Variants in MORC1 observed in about 807,000 individuals in gnomAD.
The protein encoded by MORC1 is MORC family CW-type zinc finger protein 1.
MORC1 carries 59 observed loss-of-function variants against 134.9 expected under a neutral mutation model. The observed-to-expected ratio is 0.44, with a 90% confidence interval of 0.35 to 0.54. The LOEUF is 0.54. Among genes scored for constraint, MORC1 ranks in the 20% least tolerant of loss-of-function variants. MORC1 has a pLI of 0.00. For synonymous variants in MORC1, 395 were observed against 391.7 expected, an observed-to-expected ratio of 1.01 and a Z score of -0.10; for missense variants, 947 against 1,134.5, an observed-to-expected ratio of 0.83 and a Z score of 2.37.
At chr3:108,967,292 G>A (rs1343573441) in intron 26 of MORC1, among the ~76,000 whole-genome samples, 7 of 152,058 alleles carry the variant, frequency 4.6e-5, no homozygotes, top group Non-Finnish European at 7.4e-5. Flanking sequence ...GATATAAAAC[G>A]GTATATATAA....
intron 3 of MORC1, chr3:109,109,948 ACT>A (rs1205633284): frequency 6.6e-6 from 1 of 152,114 alleles, no homozygotes; most frequent in African/African-American, 2.4e-5. Context: ...ATAAAGGCTG[ACT>A]CTTTTTCTAT....
intron 8 of MORC1, among the ~76,000 whole-genome samples, chr3:109,072,139 A>C (rs1049480198): frequency 1.4e-4 from 22 of 152,240 alleles, no homozygotes; most frequent in African/African-American, 5.1e-4. Flanking sequence ...GTCATTATAA[A>C]CGTCAAACTT....
intron 25 of MORC1, among the ~76,000 whole-genome samples, chr3:108,970,497 T>A (rs1238336435): frequency 6.6e-6 from 1 of 151,944 alleles, no homozygotes. Flanking sequence ...GAGGATGAGG[T>A]GAGAGTAGAG....
intron 8 of MORC1, among the ~76,000 whole-genome samples, chr3:109,085,140 GTGTC>G (rs1298035018): frequency 1.3e-5 from 2 of 151,840 alleles, no homozygotes; most frequent in Non-Finnish European, 2.9e-5. Context: ...GTCTGTGTAT[GTGTC>G]TGTGTGTGTG....
rs1021870380 is a variant in MORC1 at position 109,095,084 on chromosome 3, C to A, written c.424-16G>T. 2 of 1,551,290 alleles carry A rather than the reference C, an allele frequency of 1.3e-6. No homozygotes were observed. Among genetic ancestry groups the A allele is most frequent in the Non-Finnish European group, 8.7e-7 (1 of 1,154,756 alleles). On this transcript the variant is annotated splice_polypyrimidine_tract_variant and intron_variant, in intron 6 of 27. Transcript: ENST00000232603. Reference sequence around the variant, plus strand: ...GAACTACAACCTATTTAAAAAAAAACACATCAATTTACTATGAAATACACA... The same window carrying A: ...GAACTACAACCTATTTAAAAAAAAAAACATCAATTTACTATGAAATACACA...
At chr3:109,031,438 C>G (rs556492552) in intron 16 of MORC1, among the ~76,000 whole-genome samples, 15 of 152,294 alleles carry the variant, frequency 9.8e-5, no homozygotes, top group African/African-American at 3.6e-4. Flanking sequence ...TCTCCAGAGT[C>G]TGAACTCTAA....
intron 24 of MORC1, among the ~76,000 whole-genome samples, chr3:108,974,522 G>T (rs1241258361): frequency 1.3e-5 from 2 of 152,114 alleles, no homozygotes; most frequent in South Asian, 2.1e-4. Flanking sequence ...AATCCATAAA[G>T]TACATTTAAA....
chr3:109,069,270 T>C (rs4855686), intron 9 of MORC1, among the ~76,000 whole-genome samples: 149,117 of 152,350 alleles, frequency 0.98, 73,087 homozygotes, highest in Middle Eastern at 1. Context: ...ATAATATAAA[T>C]ATGTATATAT....
At chr3:109,029,967 G>A (rs1949202389) in intron 16 of MORC1, among the ~76,000 whole-genome samples, 2 of 152,136 alleles carry the variant, frequency 1.3e-5, no homozygotes, top group Non-Finnish European at 2.9e-5. Context: ...TCTGAGAAAT[G>A]GGGAAAGTTC....
At chr3:109,054,950 T>A (rs1949922389) in intron 13 of MORC1, 68 bp from the exon 14 acceptor site, 3 of 1,333,712 alleles carry the variant, frequency 2.2e-6, no homozygotes, top group Admixed American at 4.9e-5. Flanking sequence ...TATATTCTGG[T>A]CATTTGAAAT....
chr3:109,077,195 C>CT (rs1950440129), intron 8 of MORC1, among the ~76,000 whole-genome samples: 1 of 152,090 alleles, frequency 6.6e-6, no homozygotes, highest in Non-Finnish European at 1.5e-5. Context: ...AATAAAGACA[C>CT]TTGTAGAGAT....
At chr3:108,987,149 T>C (rs1292956895) in intron 21 of MORC1, among the ~76,000 whole-genome samples, 200 bp from the exon 22 acceptor site, 2 of 152,340 alleles carry the variant, frequency 1.3e-5, no homozygotes, top group Non-Finnish European at 2.9e-5. Context: ...ATGATTGCAT[T>C]ATCATAGTCA....
At chr3:109,012,487 T>A (rs1423420133) in intron 17 of MORC1, among the ~76,000 whole-genome samples, 7 of 152,234 alleles carry the variant, frequency 4.6e-5, no homozygotes, top group Admixed American at 1.3e-4. Context: ...TGTTTGAATT[T>A]TAATTGATGC....
chr3:108,987,032 TC>T, intron 21 of MORC1, 83 bp from the exon 22 acceptor site: 1 of 999,656 alleles, frequency 1.0e-6, no homozygotes. Flanking sequence ...AAAAGCAGTG[TC>T]CCCAGCAGAA....
At chr3:108,991,783 G>C (rs184549414) in intron 21 of MORC1, among the ~76,000 whole-genome samples, 51 of 152,156 alleles carry the variant, frequency 3.4e-4, no homozygotes, top group Non-Finnish European at 7.4e-5. Flanking sequence ...TTGACCACTT[G>C]GTCAGATTCC....
In MORC1 at chr3:108,959,058, A is replaced by G; in HGVS notation, c.2862T>C (p.Asp954=). 3.2e-6 allele frequency: 5 copies of G among 1,577,764 alleles called. No homozygotes were observed. The highest frequency in any genetic ancestry group is 4.3e-6 in the Non-Finnish European group (5 of 1,162,826). Residue 954 remains aspartate, a synonymous_variant, in exon 28 of 28, where the codon GAT becomes GAC. Transcript: ENST00000232603. ...DTYLEALLKE[D]NLLFQNNLNK... is the part of the protein sequence containing the mutation. ...TTAAATTGTTCTGGAAGAGAAGATT[A>G]TCTTCTTTAAGCAAAGCTTCTAAAT... is the stretch of plus-strand genomic sequence containing the variant.
chr3:108,959,973 C>T (rs1348226775), intron 27 of MORC1, among the ~76,000 whole-genome samples: 1 of 152,050 alleles, frequency 6.6e-6, no homozygotes, highest in South Asian at 2.1e-4. Flanking sequence ...GGGACAATGT[C>T]CCCAATGGAG....
intron 13 of MORC1, among the ~76,000 whole-genome samples, chr3:109,055,307 G>A (rs1284040679): frequency 2.0e-5 from 3 of 152,182 alleles, no homozygotes; most frequent in African/African-American, 7.2e-5. Context: ...TCATTGCAGA[G>A]GTCCTTGGGG....
chr3:109,047,738 AG>A (rs1949725334), intron 14 of MORC1, among the ~76,000 whole-genome samples: 1 of 152,188 alleles, frequency 6.6e-6, no homozygotes, highest in African/African-American at 2.4e-5. Context: ...TTTTATCCAA[AG>A]CAATTCTTTA....
Sources: gnomAD v4.1 joint callset for allele counts (sites outside exome capture counted in the v4.1 genomes callset) on GRCh38, gnomAD v4.1.1 for gene constraint, MANE v1.5 for transcripts, NCBI Gene and HGNC (gene_info 2026-07-23, HGNC 2026-07-21) for gene names.